ITPKB: variants seen among roughly 807,000 people sequenced by gnomAD.
The protein encoded by ITPKB is IP3 3-kinase B.
ITPKB carries 13 observed loss-of-function variants against 69.4 expected under a neutral mutation model. The observed-to-expected ratio is 0.19, with a 90% CI of 0.12 to 0.30. ITPKB has a LOEUF of 0.30. ITPKB is among the 10% of genes least tolerant of loss of function. The pLI, the probability that ITPKB is intolerant of heterozygous loss-of-function variation, is 1.00. For missense variants in ITPKB, 1,240 were observed against 1,250.5 expected (o/e 0.99, Z 0.13); for synonymous variants, 584 against 513.7 (o/e 1.14, Z -1.85).
Position 226,660,441 on chromosome 1 carries a change from C to T in ITPKB, c.1933-11670G>A, listed in dbSNP as rs546228374. On this transcript the variant is annotated intron_variant, in intron 2 of 7. Transcript: ENST00000429204. The stretch of plus-strand genomic sequence containing the variant: ...CTCAAGAATCGAGGTGTCCTTCACC[C>T]AAAATGGAAATGTTCCTAACCCTCC... 4.6e-5 allele frequency among the ~76,000 whole-genome samples: 7 copies of T among 152,318 alleles called. No homozygotes were observed. In the South Asian group the frequency reaches 1.4e-3, roughly 32 times the overall value.
intron 2 of ITPKB, chr1:226,708,004 C>T (rs1656848940): frequency 1.4e-6 from 1 of 731,800 alleles, no homozygotes. Context: ...AACTACCCAC[C>T]AAAGGTAGGA....
intron 2 of ITPKB, chr1:226,676,221 C>T (rs1351532472): frequency 3.9e-5 from 6 of 152,162 alleles, no homozygotes; most frequent in Non-Finnish European, 7.3e-5. Context: ...CACTACAGCA[C>T]GGTGCAAAAA....
At chr1:226,735,376 C>T in intron 2 of ITPKB, 151 bp downstream of exon 2, 7 of 833,402 alleles carry the variant, frequency 8.4e-6, no homozygotes, top group Non-Finnish European at 1.2e-5. Context: ...TCAGCAAACA[C>T]ACCTGGACAG....
At chr1:226,684,461 G>C (rs1027599596) in intron 2 of ITPKB, among the ~76,000 whole-genome samples, 1 of 152,236 alleles carries the variant, frequency 6.6e-6, no homozygotes, top group Non-Finnish European at 1.5e-5. Context: ...AATGAGCATA[G>C]CAGAGCAGGA....
chr1:226,650,941 C>T (rs1669178379), intron 2 of ITPKB, among the ~76,000 whole-genome samples: 1 of 152,148 alleles, frequency 6.6e-6, no homozygotes, highest in Non-Finnish European at 1.5e-5. Context: ...CAGCAATGGC[C>T]CCTCCGAGGA....
At chr1:226,693,518 A>G (rs1229448127) in intron 2 of ITPKB, among the ~76,000 whole-genome samples, 1 of 152,238 alleles carries the variant, frequency 6.6e-6, no homozygotes, top group Non-Finnish European at 1.5e-5. Context: ...TGTGCTCAGT[A>G]TATTCTTCAT....
chr1:226,711,432 AGAGAGAGAGAGT>A lies in ITPKB; in HGVS notation c.1932+24083_1932+24094del, dbSNP rs746530829. Among the ~76,000 whole-genome samples, 127 of 130,342 alleles carry A rather than the reference AGAGAGAGAGAGT, an allele frequency of 9.7e-4. 1 individual carries two copies. The highest frequency in any genetic ancestry group is 2.9e-3 in the South Asian group (11 of 3,750). 85.5% of individuals were successfully genotyped at this position (130,342 alleles called of 152,430 possible). On this transcript the variant is annotated intron_variant, in intron 2 of 7. Transcript: ENST00000429204. ...GAGAGAGAGAGAGAGAGAGAGAGAG[AGAGAGAGAGAGT>A]GTGTGTGTGTGTGTGTGTGTGTGTT...
At position 226,632,698 on chromosome 1, in the gene ITPKB, G is replaced by A. The variant is rs1216149979; in HGVS notation, c.*1973C>T. On this transcript the variant is annotated 3_prime_UTR_variant, in exon 8 of 8. Coordinates refer to ENST00000429204, the MANE Select transcript of ITPKB (RefSeq NM_002221.4). ...AGCACATTGTTTGCAAACAGCTGGT[G>A]TCTGCCTAAAGTGCTTGGAACATTT... 1 of 152,564 alleles carries A rather than the reference G, an allele frequency of 6.6e-6. No homozygotes were observed. The highest frequency in any genetic ancestry group is 6.5e-5 in the Admixed American group (1 of 15,290). The allele number at this position is 152,564 out of a possible 1,614,324, so 9.5% of individuals were successfully genotyped here.
chr1:226,635,356 G>C (rs1341179147), intron 7 of ITPKB, among the ~76,000 whole-genome samples: 1 of 152,098 alleles, frequency 6.6e-6, no homozygotes, highest in Admixed American at 6.6e-5. Flanking sequence ...GAGTAGTTGG[G>C]ACTACAGGCA....
At chr1:226,649,531 CAT>C (rs1491318662) in intron 2 of ITPKB, among the ~76,000 whole-genome samples, 1 of 147,554 alleles carries the variant, frequency 6.8e-6, no homozygotes, top group Non-Finnish European at 1.5e-5. Flanking sequence ...GTGATGTGTG[CAT>C]GTGTGTGCAT....
At chr1:226,718,595 C>A (rs1309839754) in intron 2 of ITPKB, among the ~76,000 whole-genome samples, 3 of 152,104 alleles carry the variant, frequency 2.0e-5, no homozygotes, top group Non-Finnish European at 4.4e-5. Flanking sequence ...CAGAACAAGA[C>A]CCTGTCTCAA....
chr1:226,726,326 T>C (rs907224878), intron 2 of ITPKB, among the ~76,000 whole-genome samples: 3 of 152,202 alleles, frequency 2.0e-5, no homozygotes, highest in Admixed American at 6.5e-5. Flanking sequence ...GAGTGTTTAA[T>C]GCTGTGATGA....
chr1:226,671,807 C>G (rs1179730853), intron 2 of ITPKB, among the ~76,000 whole-genome samples: 1 of 152,122 alleles, frequency 6.6e-6, no homozygotes, highest in Non-Finnish European at 1.5e-5. Context: ...GGTGTGTGGG[C>G]AGCTTCAAAG....
At chr1:226,709,807 A>T (rs1656898187) in intron 2 of ITPKB, among the ~76,000 whole-genome samples, 1 of 151,796 alleles carries the variant, frequency 6.6e-6, no homozygotes, top group African/African-American at 2.4e-5. Flanking sequence ...ACGGCATGAT[A>T]CTCCTGCCCA....
intron 2 of ITPKB, among the ~76,000 whole-genome samples, chr1:226,651,480 A>C: frequency 6.6e-6 from 1 of 152,160 alleles, no homozygotes; most frequent in Non-Finnish European, 1.5e-5. Context: ...TCTGTGTTCA[A>C]GGAGGGGACC....
chr1:226,732,548 T>G lies in ITPKB; in HGVS notation c.1932+2979A>C, dbSNP rs566977401. On this transcript the variant is annotated intron_variant, in intron 2 of 7. Transcript: ENST00000429204. ...CCACCGTGCCCAGCGTTCTTTTGTT[T>G]TTTTTTTTTTTGTACATATAACTGA... Among the ~76,000 whole-genome samples the G allele has an allele frequency of 5.9e-5, 9 of 151,716 alleles. No individual in the cohort carries two copies. The South Asian group carries it at 6.2e-4, about 11-fold the overall frequency.
intron 3 of ITPKB, among the ~76,000 whole-genome samples, chr1:226,648,067 G>A (rs1462863133): frequency 6.6e-6 from 1 of 152,196 alleles, no homozygotes; most frequent in Non-Finnish European, 1.5e-5. Context: ...TGGGCTAGAT[G>A]GCTCTGGGGC....
intron 2 of ITPKB, among the ~76,000 whole-genome samples, chr1:226,709,992 G>A (rs1304009176): frequency 6.6e-6 from 1 of 152,076 alleles, no homozygotes; most frequent in African/African-American, 2.4e-5. Flanking sequence ...AACTACCTGG[G>A]AAGAAATCAC....
intron 2 of ITPKB, among the ~76,000 whole-genome samples, chr1:226,726,484 C>T (rs1176271626): frequency 6.6e-6 from 1 of 152,058 alleles, no homozygotes; most frequent in Non-Finnish European, 1.5e-5. Context: ...CGAGACCAGC[C>T]TGGGCAACAT....
Sources: allele counts gnomAD v4.1 joint callset (sites outside exome capture counted in the v4.1 genomes callset), GRCh38; gene constraint gnomAD v4.1.1; transcripts MANE v1.5; gene names NCBI Gene and HGNC (gene_info 2026-07-23, HGNC 2026-07-21).